LAMA1: variants seen among roughly 807,000 people sequenced by gnomAD.
The protein encoded by LAMA1 is laminin subunit alpha-1.
LAMA1 carries 219 observed loss-of-function variants against 348.7 expected under a neutral mutation model. That is an observed-to-expected ratio of 0.63 (90% CI 0.56 to 0.70). The LOEUF (loss-of-function observed/expected upper bound fraction) is 0.70, where lower values mean the gene tolerates loss of function less well. LAMA1 is among the 30% of genes least tolerant of loss of function. The probability of loss-of-function intolerance (pLI) is 0.00; values close to 1 mark genes in which losing one functional copy is unlikely to be tolerated. For missense variants in LAMA1, 3,744 were observed against 3,888.0 expected, an observed-to-expected ratio of 0.96 and a Z score of 0.99; for synonymous variants, 1,487 against 1,491.0, an observed-to-expected ratio of 1.00 and a Z score of 0.06.
At chr18:7,115,426 A>G (rs2058351515) in intron 1 of LAMA1, among the ~76,000 whole-genome samples, 1 of 152,164 alleles carries the variant, frequency 6.6e-6, no homozygotes, top group Non-Finnish European at 1.5e-5. Context: ...GCTCACTTGA[A>G]ACTCATTAAA....
At chr18:7,015,582 C>T (rs2057883329) in intron 22 of LAMA1, 140 bp downstream of exon 22, 2 of 988,898 alleles carry the variant, frequency 2.0e-6, no homozygotes, top group Admixed American at 2.0e-5. Flanking sequence ...GCCTGGCCCA[C>T]ATTGAGTTTT....
chr18:7,032,037 G>C, intron 16 of LAMA1, 29 bp downstream of exon 16: 1 of 1,565,312 alleles, frequency 6.4e-7, no homozygotes, highest in Non-Finnish European at 8.8e-7. Flanking sequence ...GAGGAGGAGA[G>C]GGCACCTGAA....
intron 3 of LAMA1, among the ~76,000 whole-genome samples, chr18:7,066,607 C>T (rs2058123908): frequency 6.6e-6 from 1 of 152,130 alleles, no homozygotes; most frequent in Admixed American, 6.5e-5. Flanking sequence ...ATTGTTTAAG[C>T]ATCTGAATTT....
At chr18:6,999,025 T>C (rs1314119850) in intron 32 of LAMA1, among the ~76,000 whole-genome samples, 1 of 151,458 alleles carries the variant, frequency 6.6e-6, no homozygotes, top group African/African-American at 2.4e-5. Flanking sequence ...AGAGCAAGAC[T>C]CCATTTTTTT....
chr18:6,972,240 C>T (rs991143895), intron 47 of LAMA1: 15 of 437,906 alleles, frequency 3.4e-5, no homozygotes, highest in African/African-American at 8.1e-5. Context: ...TCGTGTTGTA[C>T]GAGTGAGAAA....
intron 1 of LAMA1, among the ~76,000 whole-genome samples, chr18:7,115,414 G>A (rs1396526238): frequency 3.9e-5 from 6 of 152,006 alleles, no homozygotes; most frequent in Non-Finnish European, 8.8e-5. Context: ...TACTTAGGAG[G>A]AGCTCACTTG....
At chr18:7,062,723 C>T (rs1039283691) in intron 3 of LAMA1, among the ~76,000 whole-genome samples, 5 of 152,180 alleles carry the variant, frequency 3.3e-5, no homozygotes, top group Admixed American at 1.3e-4. Flanking sequence ...AGATCCCTCT[C>T]TCCACTGTAG....
intron 7 of LAMA1, among the ~76,000 whole-genome samples, chr18:7,043,975 G>A (rs1245717111): frequency 6.6e-6 from 1 of 151,988 alleles, no homozygotes; most frequent in Admixed American, 6.6e-5. Flanking sequence ...CTAACACAGT[G>A]AAACCCCGTC....
intron 4 of LAMA1, among the ~76,000 whole-genome samples, chr18:7,050,238 G>T (rs1218252075): frequency 2.6e-5 from 4 of 152,110 alleles, no homozygotes; most frequent in Non-Finnish European, 5.9e-5. Context: ...CTAAAGAATG[G>T]GCTGTTTCTC....
intron 39 of LAMA1, 77 bp downstream of exon 39, chr18:6,985,160 T>C: frequency 4.6e-6 from 7 of 1,528,430 alleles, no homozygotes; most frequent in Non-Finnish European, 6.3e-6. Flanking sequence ...GACCCATCAC[T>C]GTGAATAGAA....
chr18:7,037,709 G>T lies in LAMA1; in HGVS notation c.1606C>A (p.Pro536Thr), dbSNP rs1033639549. 4 of 1,614,038 alleles carry T rather than the reference G, an allele frequency of 2.5e-6. No individual in the cohort carries two copies. The African/African-American group carries it at 5.3e-5, about 22-fold the overall frequency. Residue 536 changes from proline (P) to threonine (T), a missense_variant, in exon 12 of 63, where the codon CCC (proline) becomes ACC (threonine). Pro to Thr is a conservative substitution (Grantham distance 38). Coordinates refer to ENST00000389658, the MANE Select transcript of LAMA1 (RefSeq NM_005559.4). ...TCTTGCTGAGACGGGATCTTCCTGG[G>T]ACTGATCAAGTCGGTGACCAGCCAC... Reference protein sequence around the residue: ...SGWLVTDLISPRKIPSQQDAL... With the variant: ...SGWLVTDLISTRKIPSQQDAL...
At chr18:7,076,789 A>G (rs201203273) in intron 3 of LAMA1, 2 of 152,294 alleles carry the variant, frequency 1.3e-5, no homozygotes, top group East Asian at 3.9e-4. Context: ...ATGGTATCTA[A>G]TCAGAACAAA....
At chr18:7,009,468 G>T in intron 26 of LAMA1, 102 bp from the exon 27 acceptor site, 1 of 1,315,952 alleles carries the variant, frequency 7.6e-7, no homozygotes, top group Non-Finnish European at 1.1e-6. Flanking sequence ...CCAGAAATGA[G>T]CCATGTTCTG....
At position 7,103,663 on chromosome 18, in the gene LAMA1, A is replaced by C. The variant is rs528107585; in HGVS notation, c.61+13997T>G. Among the ~76,000 whole-genome samples the C allele has an allele frequency of 4.2e-5, 6 of 143,432 alleles. No homozygotes were observed. The South Asian group carries it at 1.1e-3, about 27-fold the overall frequency. 94.1% of individuals were successfully genotyped at this position (143,432 alleles called of 152,430 possible). On this transcript the variant is annotated intron_variant, in intron 1 of 62. Transcript: ENST00000389658. ...ACCCCATCACTACTAAAAATACCAA[A>C]AAAAAACTAGCCAGGCATGGTGGTG...
At chr18:7,014,972 G>A (rs1460475267) in intron 22 of LAMA1, among the ~76,000 whole-genome samples, 2 of 151,988 alleles carry the variant, frequency 1.3e-5, no homozygotes, top group African/African-American at 4.8e-5. Flanking sequence ...TCAGCCTCCT[G>A]AGTAGCTGGG....
chr18:6,980,012 G>GT (rs1425554501), intron 42 of LAMA1, among the ~76,000 whole-genome samples: 2 of 149,556 alleles, frequency 1.3e-5, no homozygotes, highest in African/African-American at 5.1e-5. Flanking sequence ...TAAAATTACT[G>GT]TAGACCCCCC....
At chr18:7,014,751 A>G (rs1298025053) in intron 22 of LAMA1, among the ~76,000 whole-genome samples, 2 of 152,238 alleles carry the variant, frequency 1.3e-5, no homozygotes, top group Non-Finnish European at 2.9e-5. Flanking sequence ...TTTGGACATA[A>G]ACCCCCAATA....
intron 29 of LAMA1, among the ~76,000 whole-genome samples, chr18:7,003,378 G>A (rs2057817003): frequency 6.6e-6 from 1 of 151,876 alleles, no homozygotes; most frequent in South Asian, 2.1e-4. Context: ...AGCCTCCCGA[G>A]TAGCCGGGAC....
At chr18:6,972,591 A>G (rs951597232) in intron 47 of LAMA1, among the ~76,000 whole-genome samples, 1 of 152,232 alleles carries the variant, frequency 6.6e-6, no homozygotes, top group Admixed American at 6.5e-5. Flanking sequence ...TACTGTACAA[A>G]ACCAGCCTAA....
Sources: allele counts gnomAD v4.1 joint callset (sites outside exome capture counted in the v4.1 genomes callset), GRCh38; gene constraint gnomAD v4.1.1; transcripts MANE v1.5; gene names NCBI Gene and HGNC (gene_info 2026-07-23, HGNC 2026-07-21).